The following NME7 variants were observed in gnomAD, a reference collection of about 807,000 sequenced individuals.
The protein encoded by NME7 is NME/NM23 family member 7.
A neutral mutation model predicts 49.1 loss-of-function variants in NME7; 41 were observed. The ratio of observed to expected loss-of-function variants is 0.83; its 90% CI spans 0.65 to 1.08. The LOEUF is 1.08. NME7 is among the 50% of genes least tolerant of loss of function. The pLI is 0.00. For synonymous variants in NME7, 139 were observed against 150.6 expected, an observed-to-expected ratio of 0.92 and a Z score of 0.56; for missense variants, 423 against 463.4, an observed-to-expected ratio of 0.91 and a Z score of 0.80.
chr1:169,279,023 C>G (rs1490561125), intron 7 of NME7, among the ~76,000 whole-genome samples: 2 of 152,168 alleles, frequency 1.3e-5, no homozygotes, highest in South Asian at 2.1e-4. Context: ...GTGAATGCTG[C>G]TGACTGATTG....
chr1:169,189,965 A>T (rs1188632885), intron 10 of NME7, among the ~76,000 whole-genome samples: 1 of 152,216 alleles, frequency 6.6e-6, no homozygotes, highest in Admixed American at 6.5e-5. Flanking sequence ...AGCCAACAAA[A>T]GTTTTGCTAT....
At chr1:169,313,281 C>T (rs1277614174) in intron 3 of NME7, among the ~76,000 whole-genome samples, 1 of 150,220 alleles carries the variant, frequency 6.7e-6, no homozygotes, top group Non-Finnish European at 1.5e-5. Flanking sequence ...CATTGCCTAT[C>T]TGGAAAATCT....
rs1653558898 is a variant in NME7, at chr1:169,359,042, A to T, written c.3+8666T>A. Among the ~76,000 whole-genome samples the T allele has an allele frequency of 2.6e-5, 4 of 152,264 alleles. No individual in the cohort carries two copies. In the East Asian group the frequency reaches 5.8e-4, roughly 22 times the overall value. ...CAGAGTAAATGAAAGAATAAAACGT[A>T]GAGCTGTCCCTCAGTATTTGCAGGG... On this transcript the variant is annotated intron_variant, in intron 1 of 11. Coordinates refer to ENST00000367811, the MANE Select transcript of NME7 (RefSeq NM_013330.5).
chr1:169,287,489 C>A, intron 6 of NME7, 81 bp from the exon 7 acceptor site: 1 of 978,916 alleles, frequency 1.0e-6, no homozygotes. Flanking sequence ...GGAGGAGAAT[C>A]ATGCAATTAC....
intron 10 of NME7, among the ~76,000 whole-genome samples, chr1:169,218,531 G>A (rs1469125126): frequency 2.6e-5 from 4 of 152,032 alleles, no homozygotes; most frequent in Non-Finnish European, 5.9e-5. Context: ...GGCTGCCACT[G>A]CAGTCCAGCC....
At position 169,270,703 on chromosome 1, in the gene NME7, G is replaced by T. The variant is rs999320686; in HGVS notation, c.754+16600C>A. On this transcript the variant is annotated intron_variant, in intron 7 of 11. Coordinates refer to ENST00000367811, the MANE Select transcript of NME7 (RefSeq NM_013330.5). ...TAACACTTATACAGCACTAAACTAC[G>T]TGCTGGGAACTGTCTAGAGCACCTT... Among the ~76,000 whole-genome samples, 12 of 133,362 alleles carry T rather than the reference G, an allele frequency of 9.0e-5. 1 individual carries two copies. The highest frequency in any genetic ancestry group is 2.8e-4 in the African/African-American group (11 of 39,610). The allele number at this position is 133,362 out of a possible 152,430, so 87.5% of individuals were successfully genotyped here. A position where few individuals can be genotyped will look rare whatever the true frequency, so the allele number is the denominator to read the frequency against.
At chr1:169,302,246 C>T (rs994834329) in intron 5 of NME7, 2 of 152,054 alleles carry the variant, frequency 1.3e-5, no homozygotes, top group African/African-American at 4.8e-5. Context: ...CCTTAAATCC[C>T]ATTACTGCTA....
intron 10 of NME7, among the ~76,000 whole-genome samples, chr1:169,224,068 C>G (rs1179201722): frequency 3.3e-5 from 5 of 152,158 alleles, no homozygotes; most frequent in African/African-American, 1.2e-4. Flanking sequence ...CATCTATTCC[C>G]CATGAAGATG....
At chr1:169,139,640 T>C (rs952222922) in intron 11 of NME7, among the ~76,000 whole-genome samples, 7 of 152,236 alleles carry the variant, frequency 4.6e-5, no homozygotes, top group South Asian at 2.1e-4. Context: ...AGCATAAATA[T>C]TGCATAATAA....
intron 3 of NME7, among the ~76,000 whole-genome samples, chr1:169,320,187 T>G (rs1171396806): frequency 6.6e-6 from 1 of 152,174 alleles, no homozygotes; most frequent in Non-Finnish European, 1.5e-5. Flanking sequence ...AAAGCACCAA[T>G]TAATTACTAG....
intron 9 of NME7, among the ~76,000 whole-genome samples, chr1:169,231,636 T>C (rs1298615315): frequency 6.6e-6 from 1 of 151,282 alleles, no homozygotes; most frequent in African/African-American, 2.4e-5. Flanking sequence ...TGCCAGAAAG[T>C]AGACCAAACA....
At chr1:169,341,913 A>G (rs1037180364) in intron 1 of NME7, among the ~76,000 whole-genome samples, 2 of 152,076 alleles carry the variant, frequency 1.3e-5, no homozygotes, top group Non-Finnish European at 2.9e-5. Flanking sequence ...GAACTAACTA[A>G]CTTGCTTTTG....
At chr1:169,212,792 T>C (rs1237214995) in intron 10 of NME7, among the ~76,000 whole-genome samples, 2 of 151,756 alleles carry the variant, frequency 1.3e-5, no homozygotes, top group Non-Finnish European at 2.9e-5. Context: ...TTTGTTTTTG[T>C]TTTCGTTTTA....
chr1:169,188,116 G>A (rs912578114), intron 10 of NME7, among the ~76,000 whole-genome samples: 3 of 152,128 alleles, frequency 2.0e-5, no homozygotes, highest in African/African-American at 2.4e-5. Flanking sequence ...AGAGAGATCT[G>A]CTGTTAGTTT....
At chr1:169,249,663 T>C (rs1018773429) in intron 7 of NME7, among the ~76,000 whole-genome samples, 1 of 151,942 alleles carries the variant, frequency 6.6e-6, no homozygotes, top group Non-Finnish European at 1.5e-5. Flanking sequence ...TCCTTTTATA[T>C]CTGTTTGTTG....
At chr1:169,195,371 C>A (rs1046674085) in intron 10 of NME7, among the ~76,000 whole-genome samples, 1 of 152,132 alleles carries the variant, frequency 6.6e-6, no homozygotes, top group Non-Finnish European at 1.5e-5. Flanking sequence ...GCCACCACAC[C>A]TGGCTTATTT....
At chr1:169,303,987 C>T (rs1031139864) in intron 4 of NME7, among the ~76,000 whole-genome samples, 2 of 152,086 alleles carry the variant, frequency 1.3e-5, no homozygotes, top group African/African-American at 4.8e-5. Context: ...AAAGGAAAGA[C>T]TACAGTCGTG....
At chr1:169,305,367 C>T (rs905586471) in intron 4 of NME7, among the ~76,000 whole-genome samples, 1 of 152,170 alleles carries the variant, frequency 6.6e-6, no homozygotes, top group Non-Finnish European at 1.5e-5. Context: ...TTGATTGAGG[C>T]ACTGATCCAA....
At chr1:169,324,145 G>A (rs988580645) in intron 2 of NME7, among the ~76,000 whole-genome samples, 3 of 151,790 alleles carry the variant, frequency 2.0e-5, no homozygotes, top group Admixed American at 6.6e-5. Flanking sequence ...ATGAGGCACC[G>A]CGCCCAGCCC....
Sources: gnomAD v4.1 joint callset for allele counts (sites outside exome capture counted in the v4.1 genomes callset) on GRCh38, gnomAD v4.1.1 for gene constraint, MANE v1.5 for transcripts, NCBI Gene and HGNC (gene_info 2026-07-23, HGNC 2026-07-21) for gene names.